The following KCNK9 variants were observed in gnomAD, a reference collection of about 807,000 sequenced individuals.
KCNK9 encodes the protein potassium channel subfamily K member 9.
KCNK9 carries 1 observed loss-of-function variant against 10.8 expected under a neutral mutation model. The observed-to-expected ratio is 0.09, with a 90% CI of 0.03 to 0.44. The LOEUF (loss-of-function observed/expected upper bound fraction) is 0.44. KCNK9 is among the 20% of genes least tolerant of loss of function. The pLI, the probability that KCNK9 is intolerant of heterozygous loss-of-function variation, is 0.97. For synonymous variants in KCNK9, 231 were observed against 222.7 expected (o/e 1.04, Z -0.33); for missense variants, 303 against 515.0 (o/e 0.59, Z 3.98).
chr8:139,634,054 T>C (rs574008661), intron 1 of KCNK9, among the ~76,000 whole-genome samples: 1 of 152,386 alleles, frequency 6.6e-6, no homozygotes, highest in East Asian at 1.9e-4. Context: ...CCTCCTGGCA[T>C]ACCACACCTC....
intron 1 of KCNK9, among the ~76,000 whole-genome samples, chr8:139,701,117 C>T (rs1255341741): frequency 6.6e-6 from 1 of 152,188 alleles, no homozygotes; most frequent in Non-Finnish European, 1.5e-5. Flanking sequence ...AGAATCACTG[C>T]CCTGTGCATC....
chr8:139,667,946 A>G (rs1416046036), intron 1 of KCNK9, among the ~76,000 whole-genome samples: 2 of 151,414 alleles, frequency 1.3e-5, no homozygotes, highest in Non-Finnish European at 2.9e-5. Context: ...CATCCGCATC[A>G]CTCCAAAGCC....
intron 1 of KCNK9, among the ~76,000 whole-genome samples, chr8:139,695,492 A>T (rs1421125517): frequency 6.6e-6 from 1 of 152,232 alleles, no homozygotes; most frequent in African/African-American, 2.4e-5. Flanking sequence ...TTGGAGGATC[A>T]TAAGCTACAC....
At chr8:139,600,920 TTAA>T (rs533453980), downstream of KCNK9, 221 of 152,280 alleles carry the variant, frequency 1.5e-3, 1 homozygote, top group African/African-American at 5.0e-3. Flanking sequence ...CAGGGAGATG[TTAA>T]TAATAATTCC....
chr8:139,621,871 GA>G (rs1814793417), intron 1 of KCNK9, among the ~76,000 whole-genome samples: 1 of 152,172 alleles, frequency 6.6e-6, no homozygotes, highest in Admixed American at 6.5e-5. Context: ...GAGGTTGTTG[GA>G]AACTTCTTAT....
At chr8:139,678,301 C>G (rs552602218) in intron 1 of KCNK9, among the ~76,000 whole-genome samples, 1 of 152,324 alleles carries the variant, frequency 6.6e-6, no homozygotes, top group East Asian at 1.9e-4. Flanking sequence ...ACCTTGCAGG[C>G]AGCTCCCTTC....
intron 1 of KCNK9, among the ~76,000 whole-genome samples, chr8:139,676,326 G>A (rs563476341): frequency 1.3e-5 from 2 of 152,340 alleles, no homozygotes; most frequent in South Asian, 2.1e-4. Flanking sequence ...GGTCTTCTGG[G>A]CCATCATTAG....
At chr8:139,642,722 C>A (rs757576929) in intron 1 of KCNK9, among the ~76,000 whole-genome samples, 1 of 152,238 alleles carries the variant, frequency 6.6e-6, no homozygotes, top group Non-Finnish European at 1.5e-5. Flanking sequence ...GATGGGCCCT[C>A]CAGCCCCCAC....
chr8:139,618,360 T>C lies in KCNK9; in HGVS notation c.1023A>G (p.Thr341=), dbSNP rs767971167. The change falls in exon 2 of 2, where the codon ACA becomes ACG. Residue 341 remains threonine (T), a synonymous_variant. Transcript: ENST00000520439. The surrounding 1 kb of genome is among the most constrained non-coding windows in gnomAD (Gnocchi z 7.9). ...GCGATGGGAAGAGGCTGTTTTTTAA[T>C]GTGCTTGGTGAGATCTCCTCGATCT... is the stretch of plus-strand genomic sequence containing the variant. ...SYKIEEISPS[T]LKNSLFPSPI... is the part of the protein sequence containing the mutation. 3 of 1,614,130 alleles carry C rather than the reference T, an allele frequency of 1.9e-6. No homozygotes were observed. The highest frequency in any genetic ancestry group is 1.1e-5 in the South Asian group (1 of 91,068).
At chr8:139,641,701 G>A (rs765422319) in intron 1 of KCNK9, among the ~76,000 whole-genome samples, 10 of 151,954 alleles carry the variant, frequency 6.6e-5, no homozygotes, top group Non-Finnish European at 1.0e-4. Flanking sequence ...CACTGACTGC[G>A]CTGAGCCTCC....
intron 1 of KCNK9, among the ~76,000 whole-genome samples, chr8:139,636,242 G>A (rs1342343279): frequency 6.6e-6 from 1 of 152,232 alleles, no homozygotes; most frequent in African/African-American, 2.4e-5. Context: ...ATGAAGGAAT[G>A]CTCAGAGAGG....
downstream of KCNK9, chr8:139,616,647 T>A (rs776705026): frequency 6.6e-5 from 10 of 152,210 alleles, no homozygotes; most frequent in African/African-American, 2.4e-4. Flanking sequence ...GCCTCCTTTC[T>A]GGGAGATCTC....
chr8:139,683,323 T>G (rs1181552927), intron 1 of KCNK9, among the ~76,000 whole-genome samples: 1 of 152,152 alleles, frequency 6.6e-6, no homozygotes, highest in Non-Finnish European at 1.5e-5. Context: ...GGCAGCTTCC[T>G]CCTTCTCCCT....
At chr8:139,604,769 A>G (rs1477331625) in intron 2 of KCNK9, among the ~76,000 whole-genome samples, 2 of 152,196 alleles carry the variant, frequency 1.3e-5, no homozygotes, top group Admixed American at 1.3e-4. Context: ...AGCCCTGGGT[A>G]GGCCCTGGGG....
At chr8:139,604,869 G>A (rs1817452395) in intron 2 of KCNK9, among the ~76,000 whole-genome samples, 1 of 152,148 alleles carries the variant, frequency 6.6e-6, no homozygotes, top group Non-Finnish European at 1.5e-5. Flanking sequence ...GTGTGGCCAG[G>A]TTCAGGAACA....
downstream of KCNK9, chr8:139,615,985 A>G (rs115662511): frequency 1.3e-5 from 2 of 152,290 alleles, no homozygotes; most frequent in African/African-American, 4.8e-5. Context: ...CCGAGGGCTG[A>G]GTTAGGACAT....
intron 1 of KCNK9, among the ~76,000 whole-genome samples, chr8:139,690,454 A>T (rs1396288198): frequency 6.6e-6 from 1 of 152,212 alleles, no homozygotes; most frequent in Non-Finnish European, 1.5e-5. Context: ...GAGAACTAAG[A>T]CAAACCAATG....
chr8:139,685,106 CAAAA>C (rs10583808), intron 1 of KCNK9, among the ~76,000 whole-genome samples: 77,390 of 151,348 alleles, frequency 0.51, 20,593 homozygotes, highest in South Asian at 0.59. Context: ...ACTTTATACA[CAAAA>C]AAAGAAATAA....
At chr8:139,628,158 G>A (rs1290832623) in intron 1 of KCNK9, among the ~76,000 whole-genome samples, 1 of 152,170 alleles carries the variant, frequency 6.6e-6, no homozygotes, top group African/African-American at 2.4e-5. Flanking sequence ...AGGGGAGGAG[G>A]GCGGCAGGAG....
Sources: gnomAD v4.1 joint callset for allele counts (sites outside exome capture counted in the v4.1 genomes callset) on GRCh38, gnomAD v4.1.1 for gene constraint, Gnocchi (gnomAD v3.1) non-coding constraint, MANE v1.5 for transcripts, NCBI Gene and HGNC (gene_info 2026-07-23, HGNC 2026-07-21) for gene names.